PDXDC1: variants seen among roughly 807,000 people sequenced by gnomAD.
PDXDC1 encodes pyridoxal-dependent decarboxylase domain-containing protein 1.
Under a neutral mutation model 100.1 loss-of-function variants are expected in PDXDC1, and 42 were observed. The observed-to-expected ratio is 0.42, with a 90% CI of 0.33 to 0.54. The LOEUF (loss-of-function observed/expected upper bound fraction) is 0.54. Ranked by LOEUF, PDXDC1 falls within the 20% of genes least tolerant of loss-of-function variation. The pLI, the probability that PDXDC1 is intolerant of heterozygous loss-of-function variation, is 0.10. For synonymous variants in PDXDC1, 260 were observed against 371.7 expected (o/e 0.70, Z 3.46); for missense variants, 636 against 979.2 (o/e 0.65, Z 4.68).
At chr16:15,090,426 T>C (rs1056277716) in intron 16 of PDXDC1, among the ~76,000 whole-genome samples, 21 of 152,200 alleles carry the variant, frequency 1.4e-4, no homozygotes, top group African/African-American at 5.1e-4. Context: ...TGAATCCTTG[T>C]TAAGTATTTC....
intron 16 of PDXDC1, among the ~76,000 whole-genome samples, chr16:15,095,163 A>G (rs2046309472): frequency 6.6e-6 from 1 of 152,056 alleles, no homozygotes; most frequent in South Asian, 2.1e-4. Flanking sequence ...AAAGAGGAAC[A>G]GGAGTCAGCC....
rs1374257900 is a variant in PDXDC1 at position 15,109,541 on chromosome 16, C to G, written c.1400-29338C>G. Among the ~76,000 whole-genome samples, 6 of 147,328 alleles carry G rather than the reference C, an allele frequency of 4.1e-5. No homozygotes were observed. The East Asian group carries it at 9.8e-4, about 24-fold the overall frequency. On this transcript the variant is annotated intron_variant, in intron 16 of 16. Transcript: ENST00000535621. ...GCATGGTGGCATATGCCTGTAGTCC[C>G]AGCTACTCAAGAGGCTGAGGGATAA...
At chr16:15,140,228 T>A (rs1192194164), downstream of PDXDC1, among the ~76,000 whole-genome samples, 2 of 150,356 alleles carry the variant, frequency 1.3e-5, no homozygotes. Context: ...GCGGATCACC[T>A]GAGGTCAGGA....
intron 16 of PDXDC1, chr16:15,132,706 G>C (rs1003800400): frequency 3.3e-6 from 3 of 913,614 alleles, no homozygotes; most frequent in African/African-American, 3.3e-5. Flanking sequence ...GGGTGAGCAT[G>C]TGGGGCCATC....
In PDXDC1 at chr16:15,128,387, T is replaced by C. The variant is rs1255902317; in HGVS notation, c.1400-10492T>C. ...AGCATGATGCCCACGTGGGCCGTGG[T>C]ACCTGGAGGGCAAGAGGGAGGGGTG... On this transcript the variant is annotated intron_variant, in intron 16 of 16. Transcript: ENST00000535621. The C allele has an allele frequency of 1.3e-5, 20 of 1,560,746 alleles. 1 individual carries two copies. The highest frequency in any genetic ancestry group is 1.8e-5 in the Non-Finnish European group (20 of 1,137,692).
At chr16:15,033,558 T>A (rs929846166) in intron 19 of PDXDC1, among the ~76,000 whole-genome samples, 159 bp downstream of exon 19, 5 of 152,228 alleles carry the variant, frequency 3.3e-5, no homozygotes, top group Admixed American at 1.3e-4. Context: ...GTGTCAGAGA[T>A]GCCAAGTAGG....
At position 15,136,132 on chromosome 16, in the gene PDXDC1, C is replaced by T. The variant is rs1482006568; in HGVS notation, c.1400-2747C>T. On this transcript the variant is annotated intron_variant, in intron 16 of 16. Coordinates refer to the PDXDC1 transcript ENST00000535621. The stretch of plus-strand genomic sequence containing the variant: ...GAAGCCGATCCACACGTCTAGGCTC[C>T]TGGGGGCGGGTGTGGGATGCCAGGG... 2.7e-6 allele frequency: 4 copies of T among 1,505,658 alleles called. No individual in the cohort carries two copies. In the Admixed American group the frequency reaches 5.3e-5, roughly 20 times the overall value. 93.3% of individuals were successfully genotyped at this position (1,505,658 alleles called of 1,614,324 possible).
chr16:15,061,852 A>G (rs766942507), intron 16 of PDXDC1: 2 of 1,613,910 alleles, frequency 1.2e-6, no homozygotes, highest in Non-Finnish European at 8.5e-7. Context: ...TCACGGTATC[A>G]TTCTGGGGCA....
At chr16:15,088,244 C>A (rs902230498) in intron 16 of PDXDC1, among the ~76,000 whole-genome samples, 11 of 152,064 alleles carry the variant, frequency 7.2e-5, no homozygotes, top group African/African-American at 2.4e-4. Flanking sequence ...GAGGCCAAGG[C>A]AGGAGGAGAC....
intron 16 of PDXDC1, chr16:15,069,935 T>C: frequency 1.6e-6 from 2 of 1,289,960 alleles, no homozygotes; most frequent in Non-Finnish European, 2.2e-6. Flanking sequence ...CTTGAAATTA[T>C]TATTAAAAGT....
intron 16 of PDXDC1, among the ~76,000 whole-genome samples, chr16:15,102,082 G>T (rs2046572313): frequency 6.6e-6 from 1 of 152,144 alleles, no homozygotes; most frequent in South Asian, 2.1e-4. Flanking sequence ...GCCTGACCTT[G>T]TGATCCACCT....
downstream of PDXDC1, among the ~76,000 whole-genome samples, chr16:15,041,983 C>T (rs2043836769): frequency 6.6e-6 from 1 of 152,166 alleles, no homozygotes; most frequent in Admixed American, 6.5e-5. Context: ...AAGATTTTTA[C>T]TTTTCTCCTA....
intron 8 of PDXDC1, among the ~76,000 whole-genome samples, chr16:15,014,902 A>G (rs1206301740): frequency 1.3e-5 from 2 of 152,280 alleles, no homozygotes; most frequent in Non-Finnish European, 2.9e-5. Flanking sequence ...TATTACAAGG[A>G]ACCTGGGTGG....
At chr16:15,019,683 G>C (rs542505013) in intron 12 of PDXDC1, among the ~76,000 whole-genome samples, 2 of 152,394 alleles carry the variant, frequency 1.3e-5, no homozygotes, top group East Asian at 3.9e-4. Context: ...GCCTCTTTCA[G>C]AAGGTCACTA....
At chr16:15,082,323 G>A (rs1434571123) in intron 16 of PDXDC1, among the ~76,000 whole-genome samples, 1 of 151,852 alleles carries the variant, frequency 6.6e-6, no homozygotes, top group Non-Finnish European at 1.5e-5. Context: ...TGATTATGTG[G>A]TTTTTGTCCT....
chr16:15,094,557 A>G lies in PDXDC1; in HGVS notation c.1400-44322A>G, dbSNP rs557320481. The G allele has an allele frequency of 2.6e-4, 113 of 430,728 alleles. 2 individuals are homozygous for G. The South Asian group carries it at 3.3e-3, about 13-fold the overall frequency. 26.7% of individuals were successfully genotyped at this position (430,728 alleles called of 1,614,324 possible). On this transcript the variant is annotated intron_variant, in intron 16 of 16. Transcript: ENST00000535621. ...TGTGGCCGGGTACACTCAAGTGTTA[A>G]TTTTTTGGAGTCAAAGCCTCCCTCA...
At chr16:15,027,708 C>T (rs1194432213) in intron 14 of PDXDC1, among the ~76,000 whole-genome samples, 4 of 152,290 alleles carry the variant, frequency 2.6e-5, no homozygotes, top group African/African-American at 7.2e-5. Context: ...TCGGGGTGCT[C>T]TTCTGCCGGC....
rs961309171 is a variant in PDXDC1, at chr16:15,037,784, C to T, written c.*1509C>T. The T allele has an allele frequency of 1.7e-5, 7 of 406,178 alleles. No individual in the cohort carries two copies. Among genetic ancestry groups the T allele is most frequent in the Admixed American group, 4.6e-5 (1 of 21,812 alleles). The allele number at this position is 406,178 out of a possible 1,614,324, so 25.2% of individuals were successfully genotyped here. On this transcript the variant is annotated 3_prime_UTR_variant, in exon 23 of 23. Transcript: ENST00000396410. ...AGTGAGAGGTAGGTTCTCCTCTGCC[C>T]GTTATTACCGACCAAAAAAAAAACT...
At chr16:14,974,751 G>T (rs1378874237), upstream of PDXDC1, 8 of 1,535,286 alleles carry the variant, frequency 5.2e-6, no homozygotes, top group African/African-American at 9.6e-5. Context: ...CATTCTCGAG[G>T]GATGCCGGCG....
Sources: gnomAD v4.1 joint callset for allele counts (sites outside exome capture counted in the v4.1 genomes callset) on GRCh38, gnomAD v4.1.1 for gene constraint, MANE v1.5 for transcripts, NCBI Gene and HGNC (gene_info 2026-07-23, HGNC 2026-07-21) for gene names.